Variants in FAM118A observed in about 807,000 individuals in gnomAD.
FAM118A encodes SIR2 antiphage like 2, also known as protein FAM118A.
Under a neutral mutation model 38.2 loss-of-function variants are expected in FAM118A, and 25 were observed. That is an observed-to-expected ratio of 0.65 (90% CI 0.48 to 0.91). The LOEUF (loss-of-function observed/expected upper bound fraction) is 0.91. Among genes scored for constraint, FAM118A ranks in the 40% least tolerant of loss-of-function variants. The probability of loss-of-function intolerance (pLI) is 0.00; values close to 1 mark genes in which losing one functional copy is unlikely to be tolerated. For synonymous variants in FAM118A, 178 were observed against 184.1 expected, an observed-to-expected ratio of 0.97 and a Z score of 0.27; for missense variants, 425 against 463.3, an observed-to-expected ratio of 0.92 and a Z score of 0.76.
At chr22:45,330,035 A>G (rs1390179393) in intron 4 of FAM118A, 1 of 152,246 alleles carries the variant, frequency 6.6e-6, no homozygotes, top group Non-Finnish European at 1.5e-5. Flanking sequence ...ATACATATGT[A>G]TATTTTTTTC....
At chr22:45,338,724 T>C (rs763085647) in intron 8 of FAM118A, among the ~76,000 whole-genome samples, 3 of 152,220 alleles carry the variant, frequency 2.0e-5, no homozygotes, top group Admixed American at 6.5e-5. Context: ...TAAATACCTA[T>C]ATAGCAGTCC....
At chr22:45,337,622 T>C (rs1569159016) in intron 8 of FAM118A, among the ~76,000 whole-genome samples, 2 of 152,088 alleles carry the variant, frequency 1.3e-5, no homozygotes, top group Non-Finnish European at 2.9e-5. Context: ...AAAGTATGCA[T>C]TCTCTTCATC....
Position 45,332,413 on chromosome 22 carries a change from G to T in FAM118A, c.652-12G>T. On this transcript the variant is annotated splice_polypyrimidine_tract_variant and intron_variant, in intron 5 of 8. Coordinates refer to ENST00000441876, the MANE Select transcript of FAM118A (RefSeq NM_017911.4). The stretch of plus-strand genomic sequence containing the variant: ...CAAATGAGCACTCAATTTCTTCATT[G>T]GCCTTTTCTAGGAAGTCCTCCAGAA... The T allele has an allele frequency of 6.2e-7, 1 of 1,602,944 alleles. No homozygotes were observed. Among genetic ancestry groups the T allele is most frequent in the South Asian group, 1.1e-5 (1 of 89,546 alleles).
chr22:45,315,270 T>C lies in FAM118A; in HGVS notation c.-10+5087T>C, dbSNP rs112103032. ...TTTCCATCATTACAAAATAAGGCATTTTTCCCATTATAATTAAGTTCAACA... is the reference window on the plus strand; with the variant it reads ...TTTCCATCATTACAAAATAAGGCATCTTTCCCATTATAATTAAGTTCAACA... On this transcript the variant is annotated intron_variant, in intron 1 of 8. Coordinates refer to ENST00000441876, the MANE Select transcript of FAM118A (RefSeq NM_017911.4). Among the ~76,000 whole-genome samples the C allele has an allele frequency of 5.4e-4, 83 of 152,306 alleles. 1 individual carries two copies. The highest frequency in any genetic ancestry group is 1.9e-3 in the African/African-American group (79 of 41,574).
rs756788125 is a variant in FAM118A, at chr22:45,336,423, G to C, written c.1054+12G>C. 1 of 1,609,170 alleles carries C rather than the reference G, an allele frequency of 6.2e-7. No individual in the cohort carries two copies. The highest frequency in any genetic ancestry group is 1.1e-5 in the South Asian group (1 of 90,902). ...ACAATCAGATACTGGTATTGTGTCTGTTCTTTTTGTGGGGAGCTGCCTCGG... is the reference window on the plus strand; with the variant it reads ...ACAATCAGATACTGGTATTGTGTCTCTTCTTTTTGTGGGGAGCTGCCTCGG... On this transcript the variant is annotated intron_variant, in intron 8 of 8. Transcript: ENST00000441876.
intron 1 of FAM118A, among the ~76,000 whole-genome samples, chr22:45,317,167 A>G (rs951771661): frequency 3.5e-4 from 53 of 152,250 alleles, no homozygotes; most frequent in African/African-American, 1.2e-3. Context: ...GCTTGAGGTC[A>G]GGAGTTCGAG....
intron 1 of FAM118A, among the ~76,000 whole-genome samples, chr22:45,311,361 C>T (rs1000456531): frequency 2.6e-5 from 4 of 152,114 alleles, no homozygotes; most frequent in Non-Finnish European, 4.4e-5. Context: ...GCTTTGCTCC[C>T]GGAGGCCCAC....
At chr22:45,337,128 C>A (rs2086159764) in intron 8 of FAM118A, among the ~76,000 whole-genome samples, 1 of 152,172 alleles carries the variant, frequency 6.6e-6, no homozygotes, top group African/African-American at 2.4e-5. Context: ...AGCCAGACTT[C>A]CCCACACGAA....
chr22:45,325,970 A>G lies in FAM118A; in HGVS notation c.301-1872A>G, dbSNP rs79826245. Among the ~76,000 whole-genome samples the G allele has an allele frequency of 6.5e-3, 994 of 152,150 alleles. 21 individuals are homozygous for G. Among genetic ancestry groups the G allele is most frequent in the East Asian group, 0.042 (219 of 5,170 alleles). On this transcript the variant is annotated intron_variant, in intron 3 of 8. Coordinates refer to ENST00000441876, the MANE Select transcript of FAM118A (RefSeq NM_017911.4). The stretch of plus-strand genomic sequence containing the variant: ...GGCTGATGGCAGACCCCCTGGGAAC[A>G]GTGGGAGGGTTTGGGTGGTGGGAGA...
intron 1 of FAM118A, among the ~76,000 whole-genome samples, chr22:45,316,839 C>A (rs2084628342): frequency 6.6e-6 from 1 of 152,152 alleles, no homozygotes; most frequent in Non-Finnish European, 1.5e-5. Flanking sequence ...CCTTGTCTGA[C>A]TTTGCAAATT....
At chr22:45,336,157 G>C (rs1569156588) in intron 7 of FAM118A, among the ~76,000 whole-genome samples, 171 bp from the exon 8 acceptor site, 1 of 152,194 alleles carries the variant, frequency 6.6e-6, no homozygotes, top group South Asian at 2.1e-4. Context: ...ACTGAAATGC[G>C]ACTCCTGGAA....
At chr22:45,319,157 G>C (rs1442531038) in intron 1 of FAM118A, among the ~76,000 whole-genome samples, 1 of 152,224 alleles carries the variant, frequency 6.6e-6, no homozygotes, top group Non-Finnish European at 1.5e-5. Context: ...AACAGTGGTT[G>C]AAAGAACTAG....
chr22:45,317,807 C>G (rs887295969), intron 1 of FAM118A, among the ~76,000 whole-genome samples: 1 of 152,188 alleles, frequency 6.6e-6, no homozygotes, highest in African/African-American at 2.4e-5. Flanking sequence ...AAGTGGCAGG[C>G]CAGAGCTCTG....
At chr22:45,338,257 T>A (rs778576397) in intron 8 of FAM118A, among the ~76,000 whole-genome samples, 1 of 151,952 alleles carries the variant, frequency 6.6e-6, no homozygotes, top group South Asian at 2.1e-4. Context: ...TGAGACAGAG[T>A]CTTGCTCTGT....
At position 45,323,398 on chromosome 22, in the gene FAM118A, G is replaced by C. The variant is rs759418785; in HGVS notation, c.271G>C (p.Ala91Pro). The C allele has an allele frequency of 6.2e-7, 1 of 1,614,016 alleles. No individual in the cohort carries two copies. The highest frequency in any genetic ancestry group is 8.5e-7 in the Non-Finnish European group (1 of 1,179,924). ...VTKDRDLLVV[A>P]HDLIRKMSPR... ...AAAGGACCGGGACCTGTTGGTTGTC[G>C]CCCATGATCTGATCCGGAAGATGTC... Residue 91 changes from alanine to proline, a missense_variant, in exon 3 of 9, where the codon GCC (alanine) becomes CCC (proline). Ala to Pro is a conservative substitution (Grantham distance 27). Transcript: ENST00000441876.
intron 8 of FAM118A, among the ~76,000 whole-genome samples, chr22:45,339,257 G>A (rs1350377418): frequency 6.6e-6 from 1 of 152,184 alleles, no homozygotes; most frequent in Middle Eastern, 3.2e-3. Flanking sequence ...TTAACTGGGT[G>A]TGGTGGCGGG....
Position 45,341,396 on chromosome 22 carries a change from A to G in FAM118A, c.*991A>G, listed in dbSNP as rs2086445394. On this transcript the variant is annotated 3_prime_UTR_variant, in exon 9 of 9. Transcript: ENST00000441876. ...CCACTGTGGGACTGACAACCGGGAT[A>G]GCTCAAGTTCGAGAGACCAGGTTTC... The G allele has an allele frequency of 6.6e-6, 1 of 152,224 alleles. No homozygotes were observed. The highest frequency in any genetic ancestry group is 6.5e-5 in the Admixed American group (1 of 15,280). 9.4% of individuals were successfully genotyped at this position (152,224 alleles called of 1,614,324 possible). A position where few individuals can be genotyped will look rare whatever the true frequency, so the allele number is the denominator to read the frequency against.
At position 45,322,547 on chromosome 22, in the gene FAM118A, A is replaced by T. The variant is rs753126478; in HGVS notation, c.47+121A>T. ...GAAAGTGAAATGGAAACACTGGGGC[A>T]TGAGAGAACCTCGAGGGCCATTTTC... On this transcript the variant is annotated intron_variant, in intron 2 of 8. Transcript: ENST00000441876. 56 of 884,422 alleles carry T rather than the reference A, an allele frequency of 6.3e-5. No individual in the cohort carries two copies. In the East Asian group the frequency reaches 1.2e-3, roughly 19 times the overall value. The allele number at this position is 884,422 out of a possible 1,614,324, so 54.8% of individuals were successfully genotyped here.
intron 4 of FAM118A, chr22:45,328,787 A>G: frequency 3.3e-6 from 1 of 301,020 alleles, no homozygotes; most frequent in Non-Finnish European, 6.4e-6. Context: ...CAAAAAACAA[A>G]AGAAAAAAAA....
Sources: allele counts gnomAD v4.1 joint callset (sites outside exome capture counted in the v4.1 genomes callset), GRCh38; gene constraint gnomAD v4.1.1; transcripts MANE v1.5; gene names NCBI Gene and HGNC (gene_info 2026-07-23, HGNC 2026-07-21).